The following C1QTNF3 variants were observed in gnomAD, a reference collection of about 807,000 sequenced individuals.
C1QTNF3 encodes C1q and TNF related 3, also known as complement C1q tumor necrosis factor-related protein 3.
C1QTNF3 carries 26 observed loss-of-function variants against 32.6 expected under a neutral mutation model. That is an observed-to-expected ratio of 0.80 (90% CI 0.58 to 1.11). The LOEUF is 1.11. Among genes scored for constraint, C1QTNF3 ranks in the 50% least tolerant of loss-of-function variants. C1QTNF3 has a pLI of 0.00. For synonymous variants in C1QTNF3, 155 were observed against 146.0 expected (o/e 1.06, Z -0.44); for missense variants, 362 against 398.2 (o/e 0.91, Z 0.77).
the C1QTNF3 span, among the ~76,000 whole-genome samples, chr5:34,056,991 C>T: frequency 2.0e-5 from 3 of 152,146 alleles, no homozygotes; most frequent in African/African-American, 7.2e-5. Flanking sequence ...GGTCACCTGA[C>T]CAATGCAAAC....
chr5:34,167,661 T>G, the C1QTNF3 span: 1 of 152,146 alleles, frequency 6.6e-6, no homozygotes, highest in Non-Finnish European at 1.5e-5. Context: ...AGGGTAAGAT[T>G]TTGTCTTCAG....
chr5:34,091,384 T>C, the C1QTNF3 span, among the ~76,000 whole-genome samples: 1 of 152,402 alleles, frequency 6.6e-6, no homozygotes, highest in South Asian at 2.1e-4. Flanking sequence ...TTGTTTTGTT[T>C]ATTTTGTTTC....
At chr5:34,231,866 T>C in the C1QTNF3 span, among the ~76,000 whole-genome samples, 3 of 144,816 alleles carry the variant, frequency 2.1e-5, no homozygotes, top group Non-Finnish European at 4.5e-5. Flanking sequence ...CACTCCCTAC[T>C]GGAGCTTTGA....
At chr5:34,097,321 T>C in the C1QTNF3 span, among the ~76,000 whole-genome samples, 1 of 152,028 alleles carries the variant, frequency 6.6e-6, no homozygotes, top group Non-Finnish European at 1.5e-5. Flanking sequence ...GACATTTATA[T>C]AGTGCTAACA....
chr5:34,112,660 C>T, the C1QTNF3 span, among the ~76,000 whole-genome samples: 1 of 152,066 alleles, frequency 6.6e-6, no homozygotes. Flanking sequence ...CAAATCGAGA[C>T]CCTGTCTCAA....
chr5:34,100,093 C>T, the C1QTNF3 span, among the ~76,000 whole-genome samples: 1 of 151,438 alleles, frequency 6.6e-6, no homozygotes, highest in Non-Finnish European at 1.5e-5. Flanking sequence ...GTCCAACCAC[C>T]GACAGGTTCA....
In C1QTNF3 at chr5:34,018,805, G is replaced by A. The variant is rs1213350549; in HGVS notation, c.*1778C>T. Among the ~76,000 whole-genome samples the A allele has an allele frequency of 2.6e-5, 4 of 152,202 alleles. No homozygotes were observed. The highest frequency in any genetic ancestry group is 5.9e-5 in the Non-Finnish European group (4 of 68,036). ...ATCCCTGAAGCAAGCAGAAACTCAA[G>A]TGCTTCGTTTGCAGAGTTGTTTTAA... On this transcript the variant is annotated 3_prime_UTR_variant, in exon 6 of 6. Transcript: ENST00000382065.
chr5:34,050,918 C>T, the C1QTNF3 span, among the ~76,000 whole-genome samples: 1 of 152,164 alleles, frequency 6.6e-6, no homozygotes, highest in Non-Finnish European at 1.5e-5. Context: ...GTAACAGAGT[C>T]TTGATTTTGT....
the C1QTNF3 span, among the ~76,000 whole-genome samples, chr5:34,146,653 T>C: frequency 6.6e-6 from 1 of 152,210 alleles, no homozygotes; most frequent in Non-Finnish European, 1.5e-5. Context: ...TTTCACCGTA[T>C]ACAAAGCTAA....
At chr5:34,219,049 A>G in the C1QTNF3 span, among the ~76,000 whole-genome samples, 2 of 152,230 alleles carry the variant, frequency 1.3e-5, no homozygotes, top group South Asian at 4.1e-4. Context: ...ACAGAAATAT[A>G]TTTTGAATAC....
chr5:34,195,413 GA>G, the C1QTNF3 span, among the ~76,000 whole-genome samples: 2 of 137,852 alleles, frequency 1.5e-5, no homozygotes, highest in African/African-American at 2.7e-5. Flanking sequence ...CACAGAAACT[GA>G]AAAATTATTG....
At chr5:34,022,463 T>C (rs1283204961) in intron 5 of C1QTNF3, among the ~76,000 whole-genome samples, 1 of 152,114 alleles carries the variant, frequency 6.6e-6, no homozygotes, top group Non-Finnish European at 1.5e-5. Context: ...ACCAATCTGA[T>C]AAAAAGGACT....
chr5:34,041,280 C>T (rs573518727), intron 1 of C1QTNF3, among the ~76,000 whole-genome samples: 1 of 152,276 alleles, frequency 6.6e-6, no homozygotes, highest in African/African-American at 2.4e-5. Flanking sequence ...CTCAATATCT[C>T]CTGTTGGTGG....
chr5:34,081,524 T>A, the C1QTNF3 span, among the ~76,000 whole-genome samples: 1 of 151,700 alleles, frequency 6.6e-6, no homozygotes, highest in Non-Finnish European at 1.5e-5. Flanking sequence ...AATTATTTAT[T>A]TTTTGGCAAC....
At chr5:34,213,727 T>TGTATATATATAC in the C1QTNF3 span, among the ~76,000 whole-genome samples, 17 of 135,654 alleles carry the variant, frequency 1.3e-4, no homozygotes, top group Non-Finnish European at 2.5e-4. Flanking sequence ...TGTATATATA[T>TGTATATATATAC]ACACGTATAT....
At chr5:34,129,752 T>G in the C1QTNF3 span, among the ~76,000 whole-genome samples, 1 of 152,028 alleles carries the variant, frequency 6.6e-6, no homozygotes, top group East Asian at 1.9e-4. Context: ...ATAAAGGTTA[T>G]AGTGGGCCTA....
At chr5:34,228,901 A>G in the C1QTNF3 span, among the ~76,000 whole-genome samples, 1 of 151,038 alleles carries the variant, frequency 6.6e-6, no homozygotes, top group Non-Finnish European at 1.5e-5. Context: ...CAATTTGGCT[A>G]AACATGCAGT....
At chr5:34,053,304 A>C in the C1QTNF3 span, among the ~76,000 whole-genome samples, 1 of 152,226 alleles carries the variant, frequency 6.6e-6, no homozygotes, top group Non-Finnish European at 1.5e-5. Flanking sequence ...CGAACCACAA[A>C]GGGAGCAGAT....
Position 34,026,618 on chromosome 5 carries a change from C to A in C1QTNF3, c.700+2136G>T, listed in dbSNP as rs141709885. On this transcript the variant is annotated intron_variant, in intron 4 of 5. Coordinates refer to ENST00000382065, the MANE Select transcript of C1QTNF3 (RefSeq NM_181435.6). ...GACCAAGAAAAACGCACATTAGGGC[C>A]ATACTTAAAAGAATCCGTTAGTCCC... 1.2e-3 allele frequency among the ~76,000 whole-genome samples: 175 copies of A among 152,068 alleles called. 1 individual carries two copies. Among genetic ancestry groups the A allele is most frequent in the African/African-American group, 3.6e-3 (149 of 41,480 alleles).
Sources: gnomAD v4.1 joint callset for allele counts (sites outside exome capture counted in the v4.1 genomes callset) on GRCh38, gnomAD v4.1.1 for gene constraint, MANE v1.5 for transcripts, NCBI Gene and HGNC (gene_info 2026-07-23, HGNC 2026-07-21) for gene names.